ARID2: variants seen among roughly 807,000 people sequenced by gnomAD.
ARID2 encodes the protein AT-rich interaction domain 2, also known as AT-rich interactive domain-containing protein 2.
Under a neutral mutation model 184.6 loss-of-function variants are expected in ARID2, and 32 were observed. The observed-to-expected ratio is 0.17, with a 90% confidence interval of 0.13 to 0.23. ARID2 has a LOEUF of 0.23. Among genes scored for constraint, ARID2 ranks in the 10% least tolerant of loss-of-function variants. The pLI, the probability that ARID2 is intolerant of heterozygous loss-of-function variation, is 1.00. For missense variants in ARID2, 1,696 were observed against 2,197.6 expected (o/e 0.77, Z 4.56); for synonymous variants, 836 against 772.6 (o/e 1.08, Z -1.36).
At chr12:45,798,240 C>A (rs1347899472) in intron 3 of ARID2, among the ~76,000 whole-genome samples, 2 of 151,778 alleles carry the variant, frequency 1.3e-5, no homozygotes, top group East Asian at 3.9e-4. Context: ...TTGTCAAAAA[C>A]TACCGTAATA....
rs531686713 is a variant in ARID2, at chr12:45,867,411, C to A, written c.4922+6462C>A. The stretch of plus-strand genomic sequence containing the variant: ...TAGGACTACAGATGTGACCACCACA[C>A]CCACCTAATTTTAACTTTTTTCTAA... On this transcript the variant is annotated intron_variant, in intron 16 of 20. Transcript: ENST00000334344. Among the ~76,000 whole-genome samples, 269 of 152,120 alleles carry A rather than the reference C, an allele frequency of 1.8e-3. 2 individuals are homozygous for A. The highest frequency in any genetic ancestry group is 6.3e-3 in the African/African-American group (263 of 41,508).
chr12:45,845,796 A>G (rs745591912), intron 11 of ARID2, among the ~76,000 whole-genome samples: 2 of 152,150 alleles, frequency 1.3e-5, no homozygotes, highest in Non-Finnish European at 2.9e-5. Flanking sequence ...CTTTGCTAAA[A>G]TATCATCTGA....
At chr12:45,871,694 C>CT (rs2138205454) in intron 16 of ARID2, among the ~76,000 whole-genome samples, 1 of 152,152 alleles carries the variant, frequency 6.6e-6, no homozygotes, top group South Asian at 2.1e-4. Flanking sequence ...TATATCATTC[C>CT]TTCCTTTAAT....
chr12:45,763,360 C>T (rs1414884321), intron 3 of ARID2, among the ~76,000 whole-genome samples: 4 of 151,832 alleles, frequency 2.6e-5, no homozygotes, highest in East Asian at 1.9e-4. Context: ...ATCCCAGCTA[C>T]CGGGGAGGTG....
At chr12:45,875,115 C>T (rs999027538) in intron 16 of ARID2, among the ~76,000 whole-genome samples, 2 of 152,110 alleles carry the variant, frequency 1.3e-5, no homozygotes, top group African/African-American at 4.8e-5. Context: ...GAGTGAGACC[C>T]TGTCTCAAAA....
At chr12:45,818,303 T>C (rs1010012603) in intron 5 of ARID2, among the ~76,000 whole-genome samples, 1 of 152,184 alleles carries the variant, frequency 6.6e-6, no homozygotes, top group African/African-American at 2.4e-5. Flanking sequence ...ACGTAAGGCT[T>C]ATCAAAGGCT....
In ARID2 at chr12:45,837,178, T is replaced by G. The variant is rs1393622942; in HGVS notation, c.1024-143T>G. Reference sequence around the variant, plus strand: ...GGAAAAAAGTATTTGAAATGATGCTTTAAATTCAGAAATGGCTATTTTTAC... The same window carrying G: ...GGAAAAAAGTATTTGAAATGATGCTGTAAATTCAGAAATGGCTATTTTTAC... On this transcript the variant is annotated intron_variant, in intron 8 of 20. Transcript: ENST00000334344. 6.2e-6 allele frequency: 7 copies of G among 1,123,050 alleles called. No individual in the cohort carries two copies. In the East Asian group the frequency reaches 7.6e-5, roughly 12 times the overall value. The allele number at this position is 1,123,050 out of a possible 1,614,324, so 69.6% of individuals were successfully genotyped here.
Position 45,850,455 on chromosome 12 carries a change from G to A in ARID2, c.2332G>A (p.Val778Met), listed in dbSNP as rs2138162131. The A allele has an allele frequency of 6.2e-7, 1 of 1,613,978 alleles. No homozygotes were observed. The highest frequency in any genetic ancestry group is 8.5e-7 in the Non-Finnish European group (1 of 1,179,960). Residue 778 changes from valine to methionine, a missense_variant, in exon 15 of 21, where the codon GTG (valine) becomes ATG (methionine). Coordinates refer to ENST00000334344, the MANE Select transcript of ARID2 (RefSeq NM_152641.4). ...VIPQQSPLHTVVPGQIPSGTP... is the reference protein window; with the variant it reads ...VIPQQSPLHTMVPGQIPSGTP... ...TCCACAGCAGTCTCCATTACACACA[G>A]TGGTACCAGGACAGATCCCTTCAGG...
At chr12:45,774,603 C>T (rs1166045781) in intron 3 of ARID2, among the ~76,000 whole-genome samples, 1 of 152,058 alleles carries the variant, frequency 6.6e-6, no homozygotes, top group Non-Finnish European at 1.5e-5. Context: ...ATTATGGCTT[C>T]CCATGAGCGT....
intron 12 of ARID2, among the ~76,000 whole-genome samples, chr12:45,847,169 T>C (rs1481385772): frequency 1.3e-5 from 2 of 152,140 alleles, no homozygotes; most frequent in African/African-American, 2.4e-5. Flanking sequence ...GACTAGAATG[T>C]CATTAAATTA....
intron 6 of ARID2, among the ~76,000 whole-genome samples, chr12:45,830,369 A>G (rs1182752936): frequency 6.6e-6 from 1 of 152,138 alleles, no homozygotes; most frequent in Non-Finnish European, 1.5e-5. Context: ...GGGTAACTCG[A>G]GTAGTTACTA....
At chr12:45,826,202 G>T (rs1026204226) in intron 6 of ARID2, among the ~76,000 whole-genome samples, 1 of 151,868 alleles carries the variant, frequency 6.6e-6, no homozygotes, top group Non-Finnish European at 1.5e-5. Flanking sequence ...AACACTTTAC[G>T]TAGTTCTCTT....
At chr12:45,802,579 G>T (rs1942526991) in intron 3 of ARID2, among the ~76,000 whole-genome samples, 1 of 151,702 alleles carries the variant, frequency 6.6e-6, no homozygotes, top group South Asian at 2.1e-4. Flanking sequence ...TATCTGCTAG[G>T]TAAGATATTG....
At chr12:45,763,970 T>C (rs1391521518) in intron 3 of ARID2, among the ~76,000 whole-genome samples, 1 of 152,210 alleles carries the variant, frequency 6.6e-6, no homozygotes, top group Non-Finnish European at 1.5e-5. Context: ...GAAAAGCTGT[T>C]TATTCATTGT....
rs192986312 is a variant in ARID2, at chr12:45,755,289, A to G, written c.284+23975A>G. Among the ~76,000 whole-genome samples, 4 of 152,262 alleles carry G rather than the reference A, an allele frequency of 2.6e-5. No individual in the cohort carries two copies. The East Asian group carries it at 7.7e-4, about 29-fold the overall frequency. On this transcript the variant is annotated intron_variant, in intron 3 of 20. Coordinates refer to ENST00000334344, the MANE Select transcript of ARID2 (RefSeq NM_152641.4). ...GTTTTGATGAAAGTGATGTTTTGGG[A>G]ACATTAATCTTACATTGGTATGTGG...
chr12:45,875,335 C>G (rs1943993794), intron 16 of ARID2, among the ~76,000 whole-genome samples: 1 of 152,094 alleles, frequency 6.6e-6, no homozygotes, highest in Non-Finnish European at 1.5e-5. Flanking sequence ...CTCAGTAAAC[C>G]ATGCTGTAAA....
At chr12:45,743,040 ATGTT>A (rs544709481) in intron 3 of ARID2, among the ~76,000 whole-genome samples, 91 of 152,164 alleles carry the variant, frequency 6.0e-4, no homozygotes, top group Middle Eastern at 3.4e-3. Context: ...ACATTACAGC[ATGTT>A]TGTTTGTTTT....
At chr12:45,892,269 AC>A (rs1944310998) in intron 18 of ARID2, among the ~76,000 whole-genome samples, 173 bp downstream of exon 18, 1 of 152,166 alleles carries the variant, frequency 6.6e-6, no homozygotes, top group South Asian at 2.1e-4. Context: ...TCTTGGCATC[AC>A]TTTTCCTTTT....
Position 45,846,709 on chromosome 12 carries a change from G to A in ARID2, c.1499-147G>A, listed in dbSNP as rs928253878. The A allele has an allele frequency of 4.8e-6, 3 of 623,004 alleles. No individual in the cohort carries two copies. The African/African-American group carries it at 5.6e-5, about 12-fold the overall frequency. 38.6% of individuals were successfully genotyped at this position (623,004 alleles called of 1,614,324 possible). A position where few individuals can be genotyped will look rare whatever the true frequency, so the allele number is the denominator to read the frequency against. ...ATGTGCTCCATTATATATTAGGTTT[G>A]TTCTCAAATGTGTATACTTTCATAT... is the stretch of plus-strand genomic sequence containing the variant. On this transcript the variant is annotated intron_variant, in intron 11 of 20. Coordinates refer to ENST00000334344, the MANE Select transcript of ARID2 (RefSeq NM_152641.4).
Sources: gnomAD v4.1 joint callset for allele counts (sites outside exome capture counted in the v4.1 genomes callset) on GRCh38, gnomAD v4.1.1 for gene constraint, MANE v1.5 for transcripts, NCBI Gene and HGNC (gene_info 2026-07-23, HGNC 2026-07-21) for gene names.